Variants in TMEM9B observed in about 807,000 individuals in gnomAD.
TMEM9B encodes the protein TMEM9 domain family member B.
A neutral mutation model predicts 23.5 loss-of-function variants in TMEM9B; 8 were observed. That is an observed-to-expected ratio of 0.34 (90% CI 0.20 to 0.61). The LOEUF (loss-of-function observed/expected upper bound fraction) is 0.61. TMEM9B is among the 20% of genes least tolerant of loss of function. TMEM9B has a pLI of 0.78. For synonymous variants in TMEM9B, 106 were observed against 96.3 expected (o/e 1.10, Z -0.59); for missense variants, 197 against 252.3 (o/e 0.78, Z 1.49).
chr11:8,959,143 T>C (rs1377093874), intron 2 of TMEM9B, among the ~76,000 whole-genome samples: 1 of 152,148 alleles, frequency 6.6e-6, no homozygotes, highest in Non-Finnish European at 1.5e-5. Context: ...CAGAGTAAAA[T>C]CATATTTGAA....
chr11:8,952,988 A>G, intron 4 of TMEM9B: 2 of 643,820 alleles, frequency 3.1e-6, no homozygotes, highest in Non-Finnish European at 5.5e-6. Context: ...TAGCATGCTC[A>G]CCAAAGATCA....
chr11:8,954,566 G>C (rs1853940424), intron 3 of TMEM9B, among the ~76,000 whole-genome samples: 1 of 152,130 alleles, frequency 6.6e-6, no homozygotes, highest in Non-Finnish European at 1.5e-5. Flanking sequence ...TGGGATTATA[G>C]ATGTGAGCCA....
chr11:8,961,453 C>G (rs1040815079), intron 2 of TMEM9B, among the ~76,000 whole-genome samples: 10 of 152,206 alleles, frequency 6.6e-5, no homozygotes, highest in African/African-American at 2.4e-4. Context: ...TCATGGCACA[C>G]GTAGAAAAAG....
chr11:8,947,251 G>A lies in TMEM9B; in HGVS notation c.*1069C>T, dbSNP rs1451434762. 6.6e-6 allele frequency: 1 copy of A among 152,574 alleles called. No homozygotes were observed. The allele number at this position is 152,574 out of a possible 1,614,324, so 9.5% of individuals were successfully genotyped here. A position where few individuals can be genotyped will look rare whatever the true frequency, so the allele number is the denominator to read the frequency against. ...TTCAATCTCATTATACAGCAAAAGA[G>A]GGAGGAGGAAAAAACTAGGAGACAT... On this transcript the variant is annotated 3_prime_UTR_variant, in exon 5 of 5. Transcript: ENST00000534025.
At chr11:8,964,670 C>A, upstream of TMEM9B, 1 of 253,370 alleles carries the variant, frequency 3.9e-6, no homozygotes, top group Non-Finnish European at 7.3e-6. Flanking sequence ...CTTAGGGAGT[C>A]GCCATTGCGC....
chr11:8,955,799 C>T (rs141197357), intron 3 of TMEM9B, among the ~76,000 whole-genome samples: 28 of 152,232 alleles, frequency 1.8e-4, no homozygotes, highest in Non-Finnish European at 4.1e-4. Flanking sequence ...CACTGTCCTA[C>T]AGGAAATGAA....
At chr11:8,964,086 A>G in intron 1 of TMEM9B, 123 bp downstream of exon 1, 1 of 952,352 alleles carries the variant, frequency 1.1e-6, no homozygotes, top group Non-Finnish European at 1.5e-6. Flanking sequence ...GGTCTGCCGG[A>G]GCTGTGAGGC....
rs1854144007 is a variant in TMEM9B, at chr11:8,964,233, C to T, written c.81G>A (p.Leu27=). The change falls in exon 1 of 5, where the codon CTG becomes CTA. Residue 27 remains leucine (L), a synonymous_variant. Coordinates refer to ENST00000534025, the MANE Select transcript of TMEM9B (RefSeq NM_020644.3). ...CCTTGGCGGCGTCTGACAGCTGCGCCAGCAGCAGCACGGAAAGCGCCAGGC... is the reference window on the plus strand; with the variant it reads ...CCTTGGCGGCGTCTGACAGCTGCGCTAGCAGCAGCACGGAAAGCGCCAGGC... ...LSCLALSVLL[L]AQLSDAAKNF... is the part of the protein sequence containing the mutation. The T allele has an allele frequency of 6.3e-7, 1 of 1,590,368 alleles. No individual in the cohort carries two copies. The highest frequency in any genetic ancestry group is 8.6e-7 in the Non-Finnish European group (1 of 1,169,340).
At chr11:8,958,159 C>CAA (rs33947563) in intron 2 of TMEM9B, among the ~76,000 whole-genome samples, 1 of 57,360 alleles carries the variant, frequency 1.7e-5, no homozygotes, top group African/African-American at 7.5e-5. Flanking sequence ...AACTCCGTCT[C>CAA]AAAAAAAAAA....
chr11:8,963,653 C>T (rs1854120531), intron 1 of TMEM9B, among the ~76,000 whole-genome samples: 1 of 152,190 alleles, frequency 6.6e-6, no homozygotes, highest in Non-Finnish European at 1.5e-5. Flanking sequence ...GTGAGAGATG[C>T]TCCGTAGGCC....
chr11:8,955,883 G>T (rs1853965944), intron 3 of TMEM9B, among the ~76,000 whole-genome samples: 1 of 152,134 alleles, frequency 6.6e-6, no homozygotes, highest in Non-Finnish European at 1.5e-5. Flanking sequence ...CAAAGGGCTG[G>T]AAAGGCAAGG....
intron 2 of TMEM9B, among the ~76,000 whole-genome samples, chr11:8,959,513 ACTTCAG>A (rs1167676461): frequency 6.6e-6 from 1 of 152,260 alleles, no homozygotes; most frequent in Non-Finnish European, 1.5e-5. Flanking sequence ...TTAGTTTCCT[ACTTCAG>A]CTTCAGAAGC....
rs945748022 is a variant in TMEM9B, at chr11:8,947,890, T to G, written c.*430A>C. 2 of 158,216 alleles carry G rather than the reference T, an allele frequency of 1.3e-5. No individual in the cohort carries two copies. The highest frequency in any genetic ancestry group is 4.8e-5 in the African/African-American group (2 of 41,426). The allele number at this position is 158,216 out of a possible 1,614,324, so 9.8% of individuals were successfully genotyped here. Reference sequence around the variant, plus strand: ...CAAAAGTTTGTTTAGTAAAGTGACTTGAAAAAAGTTGTTAACCACTTCCCA... The same window carrying G: ...CAAAAGTTTGTTTAGTAAAGTGACTGGAAAAAAGTTGTTAACCACTTCCCA... On this transcript the variant is annotated 3_prime_UTR_variant, in exon 5 of 5. Coordinates refer to ENST00000534025, the MANE Select transcript of TMEM9B (RefSeq NM_020644.3).
At chr11:8,963,023 G>T (rs2044002040) in intron 1 of TMEM9B, among the ~76,000 whole-genome samples, 1 of 152,212 alleles carries the variant, frequency 6.6e-6, no homozygotes, top group Non-Finnish European at 1.5e-5. Flanking sequence ...GTGAGCATTT[G>T]CTCTGTGTTA....
chr11:8,964,651 G>T, upstream of TMEM9B: 1 of 328,738 alleles, frequency 3.0e-6, no homozygotes, highest in Non-Finnish European at 5.2e-6. Flanking sequence ...GGGCGCAGAA[G>T]CTGCGGGGCT....
intron 1 of TMEM9B, among the ~76,000 whole-genome samples, chr11:8,962,468 T>C (rs1209852508): frequency 6.6e-6 from 1 of 152,240 alleles, no homozygotes. Flanking sequence ...ATTATGTTAA[T>C]GTTATTACCA....
chr11:8,956,780 T>C (rs1293075044), intron 2 of TMEM9B, among the ~76,000 whole-genome samples: 2 of 152,194 alleles, frequency 1.3e-5, no homozygotes, highest in Non-Finnish European at 2.9e-5. Flanking sequence ...AGTGGAGTGG[T>C]GCCATCATAG....
intron 2 of TMEM9B, among the ~76,000 whole-genome samples, chr11:8,961,453 C>T (rs1040815079): frequency 4.6e-5 from 7 of 152,206 alleles, no homozygotes; most frequent in South Asian, 2.1e-4. Flanking sequence ...TCATGGCACA[C>T]GTAGAAAAAG....
At chr11:8,954,878 C>T (rs1463706739) in intron 3 of TMEM9B, among the ~76,000 whole-genome samples, 2 of 151,952 alleles carry the variant, frequency 1.3e-5, no homozygotes, top group African/African-American at 2.4e-5. Flanking sequence ...TTAGGCCAGG[C>T]GCGGTGGCTC....
Sources: gnomAD v4.1 joint callset for allele counts (sites outside exome capture counted in the v4.1 genomes callset) on GRCh38, gnomAD v4.1.1 for gene constraint, MANE v1.5 for transcripts, NCBI Gene and HGNC (gene_info 2026-07-23, HGNC 2026-07-21) for gene names.